The following ANO7 variants were observed in gnomAD, a reference collection of about 807,000 sequenced individuals.
The protein encoded by ANO7 is anoctamin-7.
A neutral mutation model predicts 115.8 loss-of-function variants in ANO7; 114 were observed. That is an observed-to-expected ratio of 0.98 (90% CI 0.85 to 1.15). The LOEUF (loss-of-function observed/expected upper bound fraction) is 1.15. Ranked by LOEUF, ANO7 falls within the 50% of genes most tolerant of loss-of-function variation. The pLI, the probability that ANO7 is intolerant of heterozygous loss-of-function variation, is 0.00. For synonymous variants in ANO7, 550 were observed against 498.2 expected (o/e 1.10, Z -1.38); for missense variants, 1,302 against 1,201.2 (o/e 1.08, Z -1.24).
Position 241,210,599 on chromosome 2 carries a change from G to T in ANO7, c.1561+29G>T, listed in dbSNP as rs1249575933. 2.5e-6 allele frequency: 4 copies of T among 1,597,794 alleles called. No individual in the cohort carries two copies. In the South Asian group the frequency reaches 3.3e-5, roughly 13 times the overall value. ...AGTGGGCTGAGGCCGGCCAGGCACT[G>T]ACCAGGGGCCCACCCTGCCGGCCGC... On this transcript the variant is annotated intron_variant, in intron 15 of 24. Coordinates refer to ENST00000674324, the MANE Select transcript of ANO7 (RefSeq NM_001370694.2).
chr2:241,203,366 G>A lies in ANO7; in HGVS notation c.757G>A (p.Ala253Thr). 5.7e-6 allele frequency: 9 copies of A among 1,587,320 alleles called. No individual in the cohort carries two copies. The highest frequency in any genetic ancestry group is 7.7e-6 in the Non-Finnish European group (9 of 1,168,260). The part of the protein sequence containing the change: ...PFKTPPEGPQ[A>T]PRLNQRQVLF... ...CAAGACGCCCCCAGAGGGCCCGCAG[G>A]CTCCACGCCTCAACCAGCGCCAAGT... The change falls in exon 9 of 25, where the codon GCT becomes ACT. Residue 253 changes from alanine (A) to threonine (T), a missense_variant. By Grantham distance (58) the Ala-to-Thr change is moderately conservative (BLOSUM62 0). Transcript: ENST00000674324. The surrounding 1 kb of genome is among the most constrained non-coding windows in gnomAD (Gnocchi z 4.8).
At chr2:241,191,571 C>CT (rs2068204230) in intron 3 of ANO7, among the ~76,000 whole-genome samples, 1 of 147,944 alleles carries the variant, frequency 6.8e-6, no homozygotes, top group Non-Finnish European at 1.5e-5. Context: ...ATTTCTGACT[C>CT]TTATCTCTTG....
chr2:241,233,940 A>G, the ANO7 span: 1 of 1,614,152 alleles, frequency 6.2e-7, no homozygotes, highest in South Asian at 1.1e-5. This position sits in a 1 kb window ranked among gnomAD's most constrained non-coding sequence, Gnocchi z 4.3. Flanking sequence ...CTACAGTGAC[A>G]CTCAGCTTAA....
Position 241,224,278 on chromosome 2 carries a change from C to A in ANO7, c.*125C>A. 3 of 1,065,088 alleles carry A rather than the reference C, an allele frequency of 2.8e-6. No individual in the cohort carries two copies. The highest frequency in any genetic ancestry group is 4.1e-6 in the Non-Finnish European group (3 of 733,410). The allele number at this position is 1,065,088 out of a possible 1,614,324, so 66.0% of individuals were successfully genotyped here. On this transcript the variant is annotated 3_prime_UTR_variant, in exon 25 of 25. Coordinates refer to ENST00000674324, the MANE Select transcript of ANO7 (RefSeq NM_001370694.2). The stretch of plus-strand genomic sequence containing the variant: ...CGCTGGCTGCTGTTGTGCCTCATCT[C>A]TGGGCACATTGCCTGCTTCCCCCCA...
At chr2:241,239,490 A>T in the ANO7 span, 1 of 837,702 alleles carries the variant, frequency 1.2e-6, no homozygotes, top group Non-Finnish European at 1.9e-6. This position sits in a 1 kb window ranked among gnomAD's most constrained non-coding sequence, Gnocchi z 4.6. Flanking sequence ...GAAGCCTTCC[A>T]GGGCTGTATG....
At chr2:241,207,506 C>A (rs2068620175) in intron 10 of ANO7, 68 bp from the exon 11 acceptor site, 5 of 1,358,162 alleles carry the variant, frequency 3.7e-6, no homozygotes, top group Middle Eastern at 1.8e-4. Context: ...AAGGGAGGCG[C>A]CTGGCTGGGA....
chr2:241,201,618 T>C lies in ANO7; in HGVS notation c.612+263T>C, dbSNP rs569862851. The stretch of plus-strand genomic sequence containing the variant: ...AAAATAGATATTGGATCTATGGACA[T>C]GTGGGACAGCCGAGACTAGCCCCAG... On this transcript the variant is annotated intron_variant, in intron 7 of 24. Transcript: ENST00000674324. Among the ~76,000 whole-genome samples the C allele has an allele frequency of 8.7e-4, 132 of 152,294 alleles. 1 individual carries two copies. Among genetic ancestry groups the C allele is most frequent in the African/African-American group, 2.9e-3 (119 of 41,574 alleles).
rs1425097779 is a variant in ANO7, at chr2:241,217,879, G to C, written c.2166G>C (p.Ala722=). The C allele has an allele frequency of 2.5e-6, 4 of 1,588,890 alleles. No individual in the cohort carries two copies. The East Asian group carries it at 9.1e-5, about 36-fold the overall frequency. The change falls in exon 20 of 25, where the codon GCG becomes GCC. Residue 722 remains alanine (A), a synonymous_variant. Coordinates refer to ENST00000674324, the MANE Select transcript of ANO7 (RefSeq NM_001370694.2). ...FHILAGLTHL[A]VISNAFLLAF... ...TCCTGGCGGGCCTCACGCACCTGGCGGTCATCAGCAACGTGAGGCCCGGGC... is the reference window on the plus strand; with the variant it reads ...TCCTGGCGGGCCTCACGCACCTGGCCGTCATCAGCAACGTGAGGCCCGGGC...
chr2:241,208,954 C>G (rs1165647449), intron 11 of ANO7, among the ~76,000 whole-genome samples: 1 of 152,110 alleles, frequency 6.6e-6, no homozygotes, highest in East Asian at 1.9e-4. Context: ...TCGAGACCAT[C>G]CTGGCTAACA....
At chr2:241,230,885 A>G, downstream of ANO7, 1 of 1,614,214 alleles carries the variant, frequency 6.2e-7, no homozygotes, top group Non-Finnish European at 8.5e-7. This position sits in a 1 kb window ranked among gnomAD's most constrained non-coding sequence, Gnocchi z 5.0. Flanking sequence ...TTCTCAGTAT[A>G]GCATCCCTGG....
At chr2:241,212,726 A>T (rs1385677568) in intron 17 of ANO7, 100 bp downstream of exon 17, 2 of 1,336,856 alleles carry the variant, frequency 1.5e-6, no homozygotes, top group Non-Finnish European at 2.1e-6. Context: ...TCCTCCCACC[A>T]CCGGCTATTT....
At chr2:241,212,016 G>A in intron 15 of ANO7, 78 bp from the exon 16 acceptor site, 3 of 1,001,744 alleles carry the variant, frequency 3.0e-6, no homozygotes, top group Non-Finnish European at 4.8e-6. Context: ...GTGTGGCAAG[G>A]TGGTCCTAGG....
intron 4 of ANO7, 176 bp from the exon 5 acceptor site, chr2:241,199,140 C>T (rs1003331939): frequency 9.7e-6 from 6 of 617,386 alleles, no homozygotes; most frequent in Non-Finnish European, 1.7e-5. Flanking sequence ...GCCCGGTTGG[C>T]TTTCAGAGGC....
chr2:241,214,956 C>T, intron 18 of ANO7, 54 bp downstream of exon 18: 1 of 1,524,052 alleles, frequency 6.6e-7, no homozygotes, highest in Admixed American at 1.8e-5. Flanking sequence ...GACCCCAGAG[C>T]ACCTGGCAGT....
At chr2:241,204,731 C>T (rs1214430790) in intron 9 of ANO7, 134 bp from the exon 10 acceptor site, 2 of 641,124 alleles carry the variant, frequency 3.1e-6, no homozygotes, top group African/African-American at 1.8e-5. Context: ...ACCTCTTGGC[C>T]TCCTCACATA....
chr2:241,235,177 C>A, the ANO7 span: 1 of 1,614,158 alleles, frequency 6.2e-7, no homozygotes, highest in Non-Finnish European at 8.5e-7. Flanking sequence ...CCAGCCTTGG[C>A]CCGGTCCAAA....
chr2:241,197,493 C>G (rs935968605), intron 4 of ANO7, among the ~76,000 whole-genome samples: 1 of 152,174 alleles, frequency 6.6e-6, no homozygotes, highest in Non-Finnish European at 1.5e-5. Flanking sequence ...CTCAAGCCAT[C>G]TTCCCAGCTC....
the ANO7 span, among the ~76,000 whole-genome samples, chr2:241,237,383 G>A: frequency 2.0e-5 from 3 of 152,188 alleles, no homozygotes; most frequent in Non-Finnish European, 2.9e-5. Flanking sequence ...GGGACACCGC[G>A]TGTGTACCAA....
At chr2:241,192,943 G>A (rs1219114377) in intron 3 of ANO7, among the ~76,000 whole-genome samples, 1 of 152,184 alleles carries the variant, frequency 6.6e-6, no homozygotes, top group Non-Finnish European at 1.5e-5. Flanking sequence ...TGCTTAATGG[G>A]CGTAGGGATT....
Sources: allele counts gnomAD v4.1 joint callset (sites outside exome capture counted in the v4.1 genomes callset), GRCh38; gene constraint gnomAD v4.1.1; non-coding constraint Gnocchi (gnomAD v3.1); transcripts MANE v1.5; gene names NCBI Gene and HGNC (gene_info 2026-07-23, HGNC 2026-07-21).